Variants in GMDS observed in about 807,000 individuals in gnomAD.
The protein encoded by GMDS is GDP-mannose 4,6-dehydratase, also known as GDP-mannose 4,6 dehydratase.
Under a neutral mutation model 49.9 loss-of-function variants are expected in GMDS, and 20 were observed. That is an observed-to-expected ratio of 0.40 (90% CI 0.28 to 0.58). The LOEUF (loss-of-function observed/expected upper bound fraction) is 0.58, where lower values mean the gene tolerates loss of function less well. Among genes scored for constraint, GMDS ranks in the 20% least tolerant of loss-of-function variants. The pLI is 0.42. For missense variants in GMDS, 362 were observed against 481.4 expected (o/e 0.75, Z 2.32); for synonymous variants, 177 against 178.6 (o/e 0.99, Z 0.07).
intron 7 of GMDS, among the ~76,000 whole-genome samples, chr6:1,821,898 TG>T (rs1380346196): frequency 2.6e-5 from 4 of 152,086 alleles, no homozygotes; most frequent in African/African-American, 9.7e-5. Flanking sequence ...AGTGCAATGC[TG>T]GTATGCAAAC....
At chr6:2,240,088 G>C (rs1173396767) in intron 1 of GMDS, among the ~76,000 whole-genome samples, 1 of 152,198 alleles carries the variant, frequency 6.6e-6, no homozygotes, top group African/African-American at 2.4e-5. Flanking sequence ...TCTTATATGA[G>C]AAGATAAGAC....
chr6:2,043,560 TA>T (rs1769815141), intron 4 of GMDS: 1 of 152,248 alleles, frequency 6.6e-6, no homozygotes, highest in Non-Finnish European at 1.5e-5. Context: ...CTCATTTGGA[TA>T]TTTTGAATTA....
chr6:1,948,907 T>C (rs1392448179), intron 6 of GMDS: 1 of 162,808 alleles, frequency 6.1e-6, no homozygotes, highest in Non-Finnish European at 1.3e-5. Context: ...CTACTCTGTT[T>C]TATCTGTCAA....
chr6:2,235,066 T>C (rs1781293835), intron 1 of GMDS, among the ~76,000 whole-genome samples: 1 of 151,490 alleles, frequency 6.6e-6, no homozygotes, highest in African/African-American at 2.4e-5. Flanking sequence ...TGGAGGTTGC[T>C]GTGAACCAAG....
At chr6:2,028,357 C>T (rs1768732451) in intron 4 of GMDS, among the ~76,000 whole-genome samples, 1 of 152,214 alleles carries the variant, frequency 6.6e-6, no homozygotes, top group South Asian at 2.1e-4. Context: ...CATTTAGCTT[C>T]TGCAATTATC....
intron 1 of GMDS, among the ~76,000 whole-genome samples, chr6:2,228,338 CA>C (rs1213043529): frequency 6.6e-6 from 1 of 152,214 alleles, no homozygotes; most frequent in African/African-American, 2.4e-5. Flanking sequence ...TTTCCTCCCC[CA>C]CCTTTATAAG....
intron 1 of GMDS, among the ~76,000 whole-genome samples, chr6:2,132,678 C>T (rs781134034): frequency 6.6e-6 from 1 of 152,130 alleles, no homozygotes; most frequent in Non-Finnish European, 1.5e-5. Context: ...TGGCACAGTG[C>T]CCTGGAAAAA....
chr6:1,691,335 C>CA (rs1765163444), intron 9 of GMDS, among the ~76,000 whole-genome samples: 12 of 151,440 alleles, frequency 7.9e-5, no homozygotes, highest in African/African-American at 2.9e-4. Context: ...CGGGGAGGGG[C>CA]ACACACACTG....
chr6:1,949,954 G>A (rs999451761), intron 6 of GMDS, among the ~76,000 whole-genome samples: 1 of 152,176 alleles, frequency 6.6e-6, no homozygotes, highest in African/African-American at 2.4e-5. Flanking sequence ...TTTATAGCTA[G>A]AAATACAAAC....
At chr6:1,697,171 C>T (rs958312976) in intron 9 of GMDS, among the ~76,000 whole-genome samples, 22 of 152,202 alleles carry the variant, frequency 1.4e-4, no homozygotes, top group African/African-American at 5.1e-4. Context: ...CGTATGCCTC[C>T]TGAGGAACAA....
intron 9 of GMDS, among the ~76,000 whole-genome samples, chr6:1,688,900 T>C (rs1035898583): frequency 6.6e-6 from 1 of 152,202 alleles, no homozygotes; most frequent in African/African-American, 2.4e-5. Context: ...AAATAAATGA[T>C]AGCACTTCAA....
In GMDS at chr6:2,134,641, C is replaced by T. The variant is rs1242090854; in HGVS notation, c.103-9910G>A. On this transcript the variant is annotated intron_variant, in intron 1 of 10. Coordinates refer to ENST00000380815, the MANE Select transcript of GMDS (RefSeq NM_001500.4). ...CACTTTTTGGTCTAATCTTAAAATACTTAAATGTCTAACAACTACTTCTGT... is the reference window on the plus strand; with the variant it reads ...CACTTTTTGGTCTAATCTTAAAATATTTAAATGTCTAACAACTACTTCTGT... 2.0e-5 allele frequency among the ~76,000 whole-genome samples: 3 copies of T among 152,188 alleles called. No individual in the cohort carries two copies. The East Asian group carries it at 5.8e-4, about 29-fold the overall frequency.
chr6:1,769,087 A>T (rs1768473306), intron 7 of GMDS, among the ~76,000 whole-genome samples: 1 of 152,212 alleles, frequency 6.6e-6, no homozygotes, highest in Non-Finnish European at 1.5e-5. Context: ...GTATATTATA[A>T]TTTAAGTTAG....
chr6:2,016,487 T>C (rs1269654093), intron 4 of GMDS, among the ~76,000 whole-genome samples: 1 of 152,084 alleles, frequency 6.6e-6, no homozygotes, highest in Non-Finnish European at 1.5e-5. Flanking sequence ...GGAGACAGAA[T>C]CAAATTCAGA....
chr6:2,154,899 T>C (rs1246837616), intron 1 of GMDS, among the ~76,000 whole-genome samples: 1 of 118,790 alleles, frequency 8.4e-6, no homozygotes, highest in African/African-American at 3.6e-5. Context: ...CAAAAACCAA[T>C]CTATTCCAAG....
chr6:1,893,840 G>A (rs1760014972), intron 7 of GMDS, among the ~76,000 whole-genome samples: 14 of 152,184 alleles, frequency 9.2e-5, no homozygotes, highest in Admixed American at 9.2e-4. Context: ...AAAATATACT[G>A]AAAAATAACC....
intron 4 of GMDS, among the ~76,000 whole-genome samples, chr6:2,066,190 A>C (rs575748559): frequency 1.2e-4 from 18 of 147,122 alleles, no homozygotes; most frequent in African/African-American, 4.4e-4. Flanking sequence ...GTGAAGGAGA[A>C]ATAAAATACT....
chr6:1,874,898 T>C (rs2113809943), intron 7 of GMDS, among the ~76,000 whole-genome samples: 1 of 152,344 alleles, frequency 6.6e-6, no homozygotes, highest in Admixed American at 6.5e-5. Flanking sequence ...AAAATTGTTT[T>C]TCAAAATGCG....
At chr6:2,174,646 C>G (rs1237556545) in intron 1 of GMDS, among the ~76,000 whole-genome samples, 1 of 152,084 alleles carries the variant, frequency 6.6e-6, no homozygotes, top group Non-Finnish European at 1.5e-5. Flanking sequence ...CGGCTCACTA[C>G]AACCTCCACC....
Sources: gnomAD v4.1 joint callset for allele counts (sites outside exome capture counted in the v4.1 genomes callset) on GRCh38, gnomAD v4.1.1 for gene constraint, MANE v1.5 for transcripts, NCBI Gene and HGNC (gene_info 2026-07-23, HGNC 2026-07-21) for gene names.